The following LZTR1 variants were observed in gnomAD, a reference collection of about 807,000 sequenced individuals.
LZTR1 encodes the protein leucine-zipper-like transcriptional regulator 1.
In LZTR1, 260 loss-of-function variants were observed where a neutral mutation model predicts 105.7. The ratio of observed to expected loss-of-function variants is 2.46; its 90% CI spans 2.22 to 2.72. The LOEUF (loss-of-function observed/expected upper bound fraction) is 2.72. LZTR1 is among the 30% of genes most tolerant of loss of function. LZTR1 has a pLI of 0.00. For missense variants in LZTR1, 1,214 were observed against 1,166.9 expected (o/e 1.04, Z -0.59); for synonymous variants, 490 against 476.4 (o/e 1.03, Z -0.37).
At position 20,994,927 on chromosome 22, in the gene LZTR1, A is replaced by G. The variant is rs1372521633; in HGVS notation, c.1843A>G (p.Lys615Glu). The G allele has an allele frequency of 1.9e-6, 3 of 1,613,328 alleles. No homozygotes were observed. Among genetic ancestry groups the G allele is most frequent in the South Asian group, 1.1e-5 (1 of 91,088 alleles). Residue 615 changes from lysine to glutamate, a missense_variant, in exon 16 of 21, where the codon AAG (lysine) becomes GAG (glutamate). By Grantham distance (56) the Lys-to-Glu change is moderately conservative. Coordinates refer to ENST00000646124, the MANE Select transcript of LZTR1 (RefSeq NM_006767.4). ...ESHFNQVIMM[K>E]EFERLSSPLI... ...CCACTTCAACCAGGTGATCATGATG[A>G]AGGAGTTCGAGCGCCTCTCCTCTCC...
At position 20,982,447 on chromosome 22, in the gene LZTR1, C is replaced by T; in HGVS notation, c.76C>T (p.Pro26Ser). Residue 26 changes from proline (P) to serine (S), a missense_variant, in exon 1 of 21, where the codon CCG (proline) becomes TCG (serine). Pro to Ser is a moderately conservative substitution (Grantham distance 74). Coordinates refer to ENST00000646124, the MANE Select transcript of LZTR1 (RefSeq NM_006767.4). ...AGGCGGCGCGCGGTCCAAGGTAGCC[C>T]CGAGCGTGGACTTCGACCATAGCTG... ...LAGGARSKVA[P>S]SVDFDHSCSD... The T allele has an allele frequency of 6.3e-7, 1 of 1,594,142 alleles. No homozygotes were observed. The highest frequency in any genetic ancestry group is 1.1e-5 in the South Asian group (1 of 88,324).
In LZTR1 at chr22:20,982,466, A is replaced by T; in HGVS notation, c.95A>T (p.His32Leu). The T allele has an allele frequency of 6.2e-7, 1 of 1,608,612 alleles. No homozygotes were observed. Among genetic ancestry groups the T allele is most frequent in the Non-Finnish European group, 8.5e-7 (1 of 1,177,670 alleles). The change falls in exon 1 of 21, where the codon CAT becomes CTT. Residue 32 changes from histidine (H) to leucine (L), a missense_variant. Physicochemically the swap from His to Leu is moderately conservative, Grantham distance 99. Coordinates refer to ENST00000646124, the MANE Select transcript of LZTR1 (RefSeq NM_006767.4). ...GTAGCCCCGAGCGTGGACTTCGACC[A>T]TAGCTGCTCGGACAGTGTCGAGTAC... is the stretch of plus-strand genomic sequence containing the variant. The part of the protein sequence containing the change: ...SKVAPSVDFD[H>L]SCSDSVEYLT...
chr22:20,983,280 C>T (rs1006299637), intron 2 of LZTR1, among the ~76,000 whole-genome samples, 191 bp downstream of exon 2: 2 of 152,200 alleles, frequency 1.3e-5, no homozygotes, highest in Admixed American at 6.5e-5. Context: ...ATCCTGCACT[C>T]ATGGTCCTCA....
chr22:20,990,727 G>A (rs1304706127), intron 8 of LZTR1: 1 of 569,826 alleles, frequency 1.8e-6, no homozygotes, highest in Non-Finnish European at 3.0e-6. Context: ...AGCAAGATAA[G>A]GCCTGGCGAG....
rs1020463951 is a variant in LZTR1 at position 20,997,927 on chromosome 22, A to T, written c.*579A>T. ...CTGACTTGAGGTGAATTTTGGAGTG[A>T]AGGGCCCTGAGGTCAGCTCCCAGGT... On this transcript the variant is annotated 3_prime_UTR_variant, in exon 21 of 21. Transcript: ENST00000646124. 6.6e-6 allele frequency: 1 copy of T among 152,496 alleles called. No individual in the cohort carries two copies. Among genetic ancestry groups the T allele is most frequent in the African/African-American group, 2.4e-5 (1 of 41,418 alleles). The allele number at this position is 152,496 out of a possible 1,614,324, so 9.4% of individuals were successfully genotyped here.
At chr22:20,987,796 T>C (rs1924450319) in intron 4 of LZTR1, among the ~76,000 whole-genome samples, 1 of 152,218 alleles carries the variant, frequency 6.6e-6, no homozygotes, top group Non-Finnish European at 1.5e-5. Context: ...TGTCTTTCTG[T>C]GTTACTGAGC....
chr22:20,991,414 C>A, intron 8 of LZTR1: 1 of 577,756 alleles, frequency 1.7e-6, no homozygotes, highest in Non-Finnish European at 3.1e-6. Context: ...TGGCAGGACC[C>A]TGCGGTGGGC....
At chr22:20,990,657 AC>A (rs1924575981) in intron 8 of LZTR1, 132 bp downstream of exon 8, 1 of 981,310 alleles carries the variant, frequency 1.0e-6, no homozygotes, top group South Asian at 1.6e-5. Context: ...GCAGGAGGTT[AC>A]AGCCCGGAGC....
chr22:20,988,912 C>T (rs760821602), intron 6 of LZTR1, 40 bp downstream of exon 6: 2 of 1,558,250 alleles, frequency 1.3e-6, no homozygotes, highest in Non-Finnish European at 8.8e-7. Flanking sequence ...CCTCCGACAG[C>T]ACTGAGACCC....
chr22:20,994,791 TGCCCAC>T, intron 15 of LZTR1, 64 bp downstream of exon 15: 1 of 1,607,614 alleles, frequency 6.2e-7, no homozygotes, highest in African/African-American at 1.3e-5. Context: ...GCCCCCTCCC[TGCCCAC>T]CACTGTGAGC....
At chr22:20,989,001 C>A in intron 6 of LZTR1, 129 bp downstream of exon 6, 1 of 771,398 alleles carries the variant, frequency 1.3e-6, no homozygotes, top group South Asian at 1.5e-5. Flanking sequence ...GCCACTCTGT[C>A]TGGGGGTTTC....
intron 4 of LZTR1, 32 bp from the exon 5 acceptor site, chr22:20,987,978 G>C: frequency 7.6e-7 from 1 of 1,321,466 alleles, no homozygotes; most frequent in South Asian, 1.2e-5. Flanking sequence ...ACTGCCCTTT[G>C]GGTTTGACAG....
Position 20,990,543 on chromosome 22 carries a change from T to A in LZTR1, c.791+18T>A. 6.3e-7 allele frequency: 1 copy of A among 1,596,428 alleles called. No individual in the cohort carries two copies. The highest frequency in any genetic ancestry group is 8.6e-7 in the Non-Finnish European group (1 of 1,169,076). On this transcript the variant is annotated intron_variant, in intron 8 of 20. Transcript: ENST00000646124. ...GACAAGACGTGAGTACTCTGGCCAG[T>A]GGGGTGGAGGGAGGACGGTCAGTTC...
At position 20,985,846 on chromosome 22, in the gene LZTR1, C is replaced by T. The variant is rs1426562447; in HGVS notation, c.269C>T (p.Thr90Ile). Residue 90 changes from threonine (T) to isoleucine (I), a missense_variant, in exon 3 of 21, where the codon ACC (threonine) becomes ATC (isoleucine). By Grantham distance (89) the Thr-to-Ile change is moderately conservative. Coordinates refer to ENST00000646124, the MANE Select transcript of LZTR1 (RefSeq NM_006767.4). Reference sequence around the variant, plus strand: ...CTCTTCCGGCTGCCTTTCAGGAAGACCATGCTCAATGACCTCCTGCGGTTC... The same window carrying T: ...CTCTTCCGGCTGCCTTTCAGGAAGATCATGCTCAATGACCTCCTGCGGTTC... ...IYVFGGDNGK[T>I]MLNDLLRFDV... 6.2e-7 allele frequency: 1 copy of T among 1,614,028 alleles called. No homozygotes were observed. Among genetic ancestry groups the T allele is most frequent in the Non-Finnish European group, 8.5e-7 (1 of 1,180,030 alleles).
At chr22:20,984,272 G>A (rs183962830) in intron 2 of LZTR1, among the ~76,000 whole-genome samples, 11 of 152,282 alleles carry the variant, frequency 7.2e-5, no homozygotes, top group Admixed American at 2.6e-4. Context: ...TTGTATCCTG[G>A]CATCTAGAAA....
At chr22:20,993,580 G>A (rs1385722288) in intron 11 of LZTR1, 82 bp from the exon 12 acceptor site, 1 of 1,187,600 alleles carries the variant, frequency 8.4e-7, no homozygotes, top group African/African-American at 1.5e-5. Context: ...GGCCAGGTGG[G>A]GACCTCAGGG....
At chr22:20,982,607 G>A in intron 1 of LZTR1, 36 bp downstream of exon 1, 2 of 1,597,302 alleles carry the variant, frequency 1.3e-6, no homozygotes, top group Non-Finnish European at 1.7e-6. Flanking sequence ...AGGACAGGAA[G>A]GGCGATCTGC....
chr22:20,991,539 G>GA, intron 8 of LZTR1, 89 bp from the exon 9 acceptor site: 2 of 1,037,182 alleles, frequency 1.9e-6, no homozygotes, highest in Non-Finnish European at 2.8e-6. Context: ...GATGCAGGGG[G>GA]ACCTCCCAGT....
intron 2 of LZTR1, among the ~76,000 whole-genome samples, chr22:20,985,088 T>C (rs530363476): frequency 8.2e-6 from 1 of 121,426 alleles, no homozygotes; most frequent in Non-Finnish European, 1.6e-5. Context: ...TGAGATGGAG[T>C]CTTGCTCTGT....
Sources: gnomAD v4.1 joint callset for allele counts (sites outside exome capture counted in the v4.1 genomes callset) on GRCh38, gnomAD v4.1.1 for gene constraint, MANE v1.5 for transcripts, NCBI Gene and HGNC (gene_info 2026-07-23, HGNC 2026-07-21) for gene names.